Variants in KCTD16 observed in about 807,000 individuals in gnomAD.
The protein encoded by KCTD16 is BTB/POZ domain-containing protein KCTD16.
A neutral mutation model predicts 33.2 loss-of-function variants in KCTD16; 13 were observed. The ratio of observed to expected loss-of-function variants is 0.39; its 90% CI spans 0.25 to 0.62. The LOEUF (loss-of-function observed/expected upper bound fraction) is 0.62, where lower values mean the gene tolerates loss of function less well. KCTD16 is among the 20% of genes least tolerant of loss of function. The pLI, the probability that KCTD16 is intolerant of heterozygous loss-of-function variation, is 0.50. For missense variants in KCTD16, 441 were observed against 525.1 expected (o/e 0.84, Z 1.57); for synonymous variants, 197 against 195.3 (o/e 1.01, Z -0.07).
intron 3 of KCTD16, among the ~76,000 whole-genome samples, chr5:144,352,533 C>T (rs1250346584): frequency 6.6e-6 from 1 of 152,178 alleles, no homozygotes; most frequent in Non-Finnish European, 1.5e-5. Context: ...AGCTTGTCTG[C>T]CCTGGAACTC....
At chr5:144,440,341 T>C (rs982424556) in intron 3 of KCTD16, among the ~76,000 whole-genome samples, 1 of 152,264 alleles carries the variant, frequency 6.6e-6, no homozygotes, top group Middle Eastern at 3.4e-3. Flanking sequence ...CTGCAGAAAA[T>C]AGAAGTGGAA....
chr5:144,309,241 T>G (rs780257986), intron 3 of KCTD16, among the ~76,000 whole-genome samples: 29 of 152,174 alleles, frequency 1.9e-4, no homozygotes, highest in Non-Finnish European at 1.2e-4. Flanking sequence ...AAGGACTTTA[T>G]GCACTCTTAG....
At position 144,476,889 on chromosome 5, in the gene KCTD16, AAT is replaced by A. The variant is rs1248739227; in HGVS notation, c.*2782_*2783del. 2.0e-5 allele frequency: 3 copies of A among 152,160 alleles called. No individual in the cohort carries two copies. The highest frequency in any genetic ancestry group is 4.4e-5 in the Non-Finnish European group (3 of 68,010). 9.4% of individuals were successfully genotyped at this position (152,160 alleles called of 1,614,324 possible). ...CTTTTTGTTTAATTCTGAAGAAAAC[AAT>A]ATATATGGTTTACTTCTCGAACATT... is the stretch of plus-strand genomic sequence containing the variant. On this transcript the variant is annotated 3_prime_UTR_variant, in exon 4 of 4. Coordinates refer to ENST00000512467, the MANE Select transcript of KCTD16 (RefSeq NM_020768.4).
rs1357994691 is a variant in KCTD16, at chr5:144,368,692, C to T, written c.833-104968C>T. Among the ~76,000 whole-genome samples the T allele has an allele frequency of 2.6e-5, 4 of 152,090 alleles. No homozygotes were observed. The East Asian group carries it at 7.7e-4, about 29-fold the overall frequency. On this transcript the variant is annotated intron_variant, in intron 3 of 3. Transcript: ENST00000512467. ...AGTTCTGACCCATGCAAACTAGGAG[C>T]TAATAACTGGGTGTTGTTTTAAGTC...
rs561253318 is a variant in KCTD16, at chr5:144,294,971, C to T, written c.832+87425C>T. ...TAGCTTATCTAGACCTTTATCCGTACTGTTCATCCCCTCATTCATCCACCA... is the reference window on the plus strand; with the variant it reads ...TAGCTTATCTAGACCTTTATCCGTATTGTTCATCCCCTCATTCATCCACCA... On this transcript the variant is annotated intron_variant, in intron 3 of 3. Transcript: ENST00000512467. 5.3e-5 allele frequency among the ~76,000 whole-genome samples: 8 copies of T among 152,328 alleles called. No homozygotes were observed. The South Asian group carries it at 1.7e-3, about 32-fold the overall frequency.
intron 3 of KCTD16, among the ~76,000 whole-genome samples, chr5:144,436,301 A>G (rs956698853): frequency 6.6e-6 from 1 of 152,098 alleles, no homozygotes; most frequent in Non-Finnish European, 1.5e-5. Flanking sequence ...TGCCCTAAAT[A>G]CCTCTTTCAT....
chr5:144,407,980 T>C (rs903378103), intron 3 of KCTD16, among the ~76,000 whole-genome samples: 1 of 152,238 alleles, frequency 6.6e-6, no homozygotes, highest in Non-Finnish European at 1.5e-5. Context: ...TATTTGCTAT[T>C]GTAAATAGTG....
chr5:144,372,941 C>T (rs1461289531), intron 3 of KCTD16, among the ~76,000 whole-genome samples: 1 of 151,986 alleles, frequency 6.6e-6, no homozygotes, highest in African/African-American at 2.4e-5. Context: ...TAGTATAGAG[C>T]CAATGAACCC....
chr5:144,407,371 T>G lies in KCTD16; in HGVS notation c.833-66289T>G, dbSNP rs529863095. On this transcript the variant is annotated intron_variant, in intron 3 of 3. Coordinates refer to ENST00000512467, the MANE Select transcript of KCTD16 (RefSeq NM_020768.4). ...AAGTTTGGGGGTTTGAGTGACTGTA[T>G]TTTTTTTTTTGATTTGAAAAAACTT... 3.7e-4 allele frequency among the ~76,000 whole-genome samples: 51 copies of G among 136,574 alleles called. No homozygotes were observed. The South Asian group carries it at 9.9e-3, about 27-fold the overall frequency. The allele number at this position is 136,574 out of a possible 152,430, so 89.6% of individuals were successfully genotyped here. A position where few individuals can be genotyped will look rare whatever the true frequency, so the allele number is the denominator to read the frequency against.
At chr5:144,371,574 C>T (rs573546076) in intron 3 of KCTD16, among the ~76,000 whole-genome samples, 114 of 152,166 alleles carry the variant, frequency 7.5e-4, no homozygotes, top group Middle Eastern at 6.8e-3. Flanking sequence ...CCATGCACAA[C>T]GACAAGAAGC....
chr5:144,473,911 A>G lies in KCTD16; in HGVS notation c.1084A>G (p.Lys362Glu), dbSNP rs935283310. 1.9e-6 allele frequency: 3 copies of G among 1,614,112 alleles called. No individual in the cohort carries two copies. The South Asian group carries it at 3.3e-5, about 18-fold the overall frequency. ...GATCCAACAGTCAGAGATGCGGCGG[A>G]AAAGCGACTTACTCCGGACTCTGAC... is the stretch of plus-strand genomic sequence containing the variant. The part of the protein sequence containing the change: ...QLIQQSEMRR[K>E]SDLLRTLTSG... Residue 362 changes from lysine to glutamate, a missense_variant, in exon 4 of 4, where the codon AAA becomes GAA. Physicochemically the swap from Lys to Glu is moderately conservative, Grantham distance 56. This residue lies in a region of KCTD16 where 355 missense variants were observed against 413.0 expected (regional missense o/e 0.86). Coordinates refer to ENST00000512467, the MANE Select transcript of KCTD16 (RefSeq NM_020768.4).
chr5:144,278,218 T>C (rs1013570656), intron 3 of KCTD16, among the ~76,000 whole-genome samples: 1 of 151,978 alleles, frequency 6.6e-6, no homozygotes, highest in Non-Finnish European at 1.5e-5. Context: ...GGTGGAAACT[T>C]TTTTTGTATA....
intron 3 of KCTD16, among the ~76,000 whole-genome samples, chr5:144,426,654 G>A (rs1753337583): frequency 6.6e-6 from 1 of 152,222 alleles, no homozygotes; most frequent in South Asian, 2.1e-4. Context: ...TTTGGCTCAT[G>A]ATTCTGAAAG....
intron 3 of KCTD16, among the ~76,000 whole-genome samples, chr5:144,242,806 A>G (rs1363083): frequency 0.3 from 45,838 of 151,914 alleles, 7,058 homozygotes; most frequent in African/African-American, 0.35. Flanking sequence ...AACAAATAGA[A>G]CCAGAACTCA....
intron 3 of KCTD16, among the ~76,000 whole-genome samples, chr5:144,352,654 G>C (rs1751473227): frequency 6.6e-6 from 1 of 152,200 alleles, no homozygotes; most frequent in Non-Finnish European, 1.5e-5. Flanking sequence ...GTTGTGCCCT[G>C]TTCCTGAAGA....
intron 3 of KCTD16, among the ~76,000 whole-genome samples, chr5:144,209,240 TA>T (rs779251745): frequency 7.2e-5 from 11 of 152,338 alleles, no homozygotes; most frequent in Non-Finnish European, 1.3e-4. Context: ...CTTGCTTACA[TA>T]AATGAGACCC....
intron 3 of KCTD16, among the ~76,000 whole-genome samples, chr5:144,467,150 G>A (rs1400746178): frequency 2.7e-5 from 4 of 146,286 alleles, no homozygotes; most frequent in African/African-American, 7.6e-5. Flanking sequence ...CACTTTAAAA[G>A]TTCTTGATAG....
Position 144,207,082 on chromosome 5 carries a change from C to A in KCTD16, c.368C>A (p.Thr123Asn), listed in dbSNP as rs1753199528. ...FQLPDLVKLL[T>N]PDEIKQSPDE... ...CTCCCAGACTTGGTCAAACTCCTGA[C>A]CCCCGATGAAATCAAGCAAAGCCCA... is the stretch of plus-strand genomic sequence containing the variant. Residue 123 changes from threonine (T) to asparagine (N), a missense_variant, in exon 3 of 4, where the codon ACC becomes AAC. Coordinates refer to ENST00000512467, the MANE Select transcript of KCTD16 (RefSeq NM_020768.4). 1 of 1,611,770 alleles carries A rather than the reference C, an allele frequency of 6.2e-7. No individual in the cohort carries two copies. Among genetic ancestry groups the A allele is most frequent in the Non-Finnish European group, 8.5e-7 (1 of 1,179,072 alleles).
chr5:144,470,674 G>T (rs1443484541), intron 3 of KCTD16, among the ~76,000 whole-genome samples: 1 of 152,298 alleles, frequency 6.6e-6, no homozygotes, highest in East Asian at 1.9e-4. Flanking sequence ...CCCTTTGATA[G>T]TGATAGTGCC....
Sources: gnomAD v4.1 joint callset for allele counts (sites outside exome capture counted in the v4.1 genomes callset) on GRCh38, gnomAD v4.1.1 for gene constraint, gnomAD v4.1.1 regional missense constraint, MANE v1.5 for transcripts, NCBI Gene and HGNC (gene_info 2026-07-23, HGNC 2026-07-21) for gene names.